The following OLAH variants were observed in gnomAD, a reference collection of about 807,000 sequenced individuals.
OLAH encodes the protein S-acyl fatty acid synthase thioesterase, medium chain.
OLAH carries 33 observed loss-of-function variants against 27.8 expected under a neutral mutation model. That is an observed-to-expected ratio of 1.19 (90% confidence interval 0.90 to 1.59). The LOEUF (loss-of-function observed/expected upper bound fraction) is 1.59. Among genes scored for constraint, OLAH ranks in the 40% most tolerant of loss-of-function variants. The pLI, the probability that OLAH is intolerant of heterozygous loss-of-function variation, is 0.00. For missense variants in OLAH, 359 were observed against 310.8 expected (o/e 1.16, Z -1.17); for synonymous variants, 120 against 102.9 (o/e 1.17, Z -1.01).
At chr10:15,055,902 T>C (rs1589245490) in intron 3 of OLAH, among the ~76,000 whole-genome samples, 1 of 151,096 alleles carries the variant, frequency 6.6e-6, no homozygotes, top group Non-Finnish European at 1.5e-5. Flanking sequence ...CAGGCTGGAG[T>C]GCAGTGGCAC....
chr10:15,040,754 G>A (rs1843907663), upstream of OLAH, among the ~76,000 whole-genome samples: 1 of 152,180 alleles, frequency 6.6e-6, no homozygotes, highest in Non-Finnish European at 1.5e-5. Flanking sequence ...GGATGCAACT[G>A]TGAACAAAAC....
In OLAH at chr10:15,055,851, C is replaced by CTT. The variant is rs35808430; in HGVS notation, c.164-5859_164-5858dup. ...TCTCTCATATTTCTAACTTTATATA[C>CTT]TTTTTTTTTTTTTTTGGAGACAGAG... On this transcript the variant is annotated intron_variant, in intron 3 of 7. Transcript: ENST00000378228. Among the ~76,000 whole-genome samples the CTT allele has an allele frequency of 9.1e-4, 130 of 142,216 alleles. 1 individual carries two copies. Among genetic ancestry groups the CTT allele is most frequent in the African/African-American group, 2.8e-3 (108 of 38,736 alleles). 93.3% of individuals were successfully genotyped at this position (142,216 alleles called of 152,430 possible). A position where few individuals can be genotyped will look rare whatever the true frequency, so the allele number is the denominator to read the frequency against.
intron 3 of OLAH, among the ~76,000 whole-genome samples, chr10:15,050,630 T>C (rs754981061): frequency 2.0e-5 from 3 of 149,258 alleles, no homozygotes; most frequent in Non-Finnish European, 4.4e-5. Context: ...CAAGCTCCGC[T>C]TCCGGGTTCA....
Position 15,065,597 on chromosome 10 carries a change from A to G in OLAH, c.416A>G (p.His139Arg). The stretch of plus-strand genomic sequence containing the variant: ...TCATGTTTCAAGTCAAAGGCCTGGC[A>G]TCGCATTCCCAAAGATGATGAATTG... ...SATPVHSKAW[H>R]RIPKDDELSE... Residue 139 changes from histidine (H) to arginine (R), a missense_variant, in exon 6 of 8, where the codon CAT (histidine) becomes CGT (arginine). His to Arg is a conservative substitution (Grantham distance 29). Coordinates refer to ENST00000378228, the MANE Select transcript of OLAH (RefSeq NM_001039702.3). 1 of 1,610,848 alleles carries G rather than the reference A, an allele frequency of 6.2e-7. No individual in the cohort carries two copies. Among genetic ancestry groups the G allele is most frequent in the Non-Finnish European group, 8.5e-7 (1 of 1,179,042 alleles).
chr10:15,061,015 T>G (rs1251602490), intron 3 of OLAH, among the ~76,000 whole-genome samples: 1 of 152,222 alleles, frequency 6.6e-6, no homozygotes, highest in Non-Finnish European at 1.5e-5. Context: ...TTAGGCATCC[T>G]GAAGTGCTAC....
chr10:15,068,458 T>C (rs1442201245), intron 6 of OLAH, among the ~76,000 whole-genome samples: 2 of 152,186 alleles, frequency 1.3e-5, no homozygotes, highest in Admixed American at 6.5e-5. Context: ...AATGGCGCGA[T>C]CTCAGCTCAC....
At chr10:15,047,971 A>G (rs1844054578) in intron 2 of OLAH, among the ~76,000 whole-genome samples, 1 of 152,228 alleles carries the variant, frequency 6.6e-6, no homozygotes, top group Admixed American at 6.5e-5. Flanking sequence ...GTAGAGATCA[A>G]CTGAAAAAAC....
chr10:15,055,750 C>T (rs1349405036), intron 3 of OLAH, among the ~76,000 whole-genome samples: 1 of 152,078 alleles, frequency 6.6e-6, no homozygotes, highest in East Asian at 1.9e-4. Context: ...AAGAATAAAA[C>T]AGTACCAATA....
At chr10:15,041,492 G>C (rs896461216), upstream of OLAH, among the ~76,000 whole-genome samples, 9 of 151,868 alleles carry the variant, frequency 5.9e-5, no homozygotes, top group Admixed American at 1.3e-4. Flanking sequence ...TGGTCAGGCT[G>C]GTCTCAAACT....
At chr10:15,049,130 GTC>G (rs1844082383) in intron 2 of OLAH, among the ~76,000 whole-genome samples, 1 of 49,464 alleles carries the variant, frequency 2.0e-5, no homozygotes, top group Admixed American at 3.0e-4. Context: ...TGGAGACTAT[GTC>G]TCCAAAAAAA....
exon 1 of OLAH, chr10:15,032,338 C>G (rs1843770467): frequency 6.6e-6 from 1 of 151,868 alleles, no homozygotes; most frequent in Non-Finnish European, 1.5e-5. Context: ...TGTGAGACCT[C>G]ACGTTGTCAT....
chr10:15,049,739 GC>G lies in OLAH; in HGVS notation c.139del (p.Gln47LysfsTer12). On this transcript the variant is annotated frameshift_variant, in exon 3 of 8. Transcript: ENST00000378228. LOFTEE classifies it high-confidence loss of function. ...GGCTCCACTCATTTTGCCAAATGGG[GC>G]CAAGATACTCATGATTTGCTGGAAG... The part of the protein sequence containing the change: ...GGGSTHFAKW[G>X]QDTHDLLEVH... 2 of 1,607,686 alleles carry G rather than the reference GC, an allele frequency of 1.2e-6. No homozygotes were observed. Among genetic ancestry groups the G allele is most frequent in the Non-Finnish European group, 1.7e-6 (2 of 1,178,490 alleles).
chr10:15,037,101 A>G (rs1215775520), intron 1 of OLAH, among the ~76,000 whole-genome samples: 1 of 151,886 alleles, frequency 6.6e-6, no homozygotes, highest in Non-Finnish European at 1.5e-5. Flanking sequence ...TCAACAAACA[A>G]ACAAACAAAC....
intron 1 of OLAH, among the ~76,000 whole-genome samples, chr10:15,032,635 A>AG (rs1324782089): frequency 5.3e-5 from 8 of 151,734 alleles, no homozygotes; most frequent in Non-Finnish European, 8.8e-5. Flanking sequence ...AAAAAAAAAA[A>AG]AAAAGAAAAA....
chr10:15,052,617 C>T (rs1269757698), intron 3 of OLAH, among the ~76,000 whole-genome samples: 1 of 151,648 alleles, frequency 6.6e-6, no homozygotes, highest in Non-Finnish European at 1.5e-5. Flanking sequence ...GTTTCTTTAA[C>T]AACTTGTTTT....
At chr10:15,034,932 G>C (rs1348703865) in intron 1 of OLAH, among the ~76,000 whole-genome samples, 1 of 151,720 alleles carries the variant, frequency 6.6e-6, no homozygotes, top group Non-Finnish European at 1.5e-5. Context: ...TTCCCGAGTA[G>C]CTGGGATTAC....
chr10:15,060,050 C>A (rs995623712), intron 3 of OLAH, among the ~76,000 whole-genome samples: 1 of 150,718 alleles, frequency 6.6e-6, no homozygotes, highest in Non-Finnish European at 1.5e-5. Context: ...TTTTCTGTTT[C>A]CCTCTTCTCT....
chr10:15,060,462 G>C (rs985546544), intron 3 of OLAH, among the ~76,000 whole-genome samples: 1 of 152,098 alleles, frequency 6.6e-6, no homozygotes, highest in Non-Finnish European at 1.5e-5. Context: ...GAGCCACTAT[G>C]CCTGGCCAAC....
chr10:15,050,479 G>T (rs1376501528), intron 3 of OLAH, among the ~76,000 whole-genome samples: 3 of 151,358 alleles, frequency 2.0e-5, no homozygotes, highest in African/African-American at 7.3e-5. Context: ...TGTTGGCCAG[G>T]CTGGTCTCAA....
Sources: gnomAD v4.1 joint callset for allele counts (sites outside exome capture counted in the v4.1 genomes callset) on GRCh38, gnomAD v4.1.1 for gene constraint, MANE v1.5 for transcripts, NCBI Gene and HGNC (gene_info 2026-07-23, HGNC 2026-07-21) for gene names.